The following TENM2 variants were observed in gnomAD, a reference collection of about 807,000 sequenced individuals.
TENM2 encodes the protein teneurin-2.
A neutral mutation model predicts 245.2 loss-of-function variants in TENM2; 52 were observed. The observed-to-expected ratio is 0.21, with a 90% CI of 0.17 to 0.27. The LOEUF (loss-of-function observed/expected upper bound fraction) is 0.27. Among genes scored for constraint, TENM2 ranks in the 10% least tolerant of loss-of-function variants. The probability of loss-of-function intolerance (pLI) is 1.00; values close to 1 mark genes in which losing one functional copy is unlikely to be tolerated. For missense variants in TENM2, 3,046 were observed against 3,666.8 expected (o/e 0.83, Z 4.37); for synonymous variants, 1,363 against 1,438.9 (o/e 0.95, Z 1.19).
chr5:168,260,279 A>G lies in TENM2; in HGVS notation c.7433-4A>G, dbSNP rs774948397. On this transcript the variant is annotated splice_region_variant and splice_polypyrimidine_tract_variant and intron_variant, in intron 27 of 28. Coordinates refer to ENST00000518659, the Ensembl canonical transcript of TENM2. ...GAAACCTTTATTTTTGTTTTCCACC[A>G]TAGATGTGAAAAGCTGGCTTGTGAT... The G allele has an allele frequency of 6.2e-7, 1 of 1,613,906 alleles. No individual in the cohort carries two copies. The highest frequency in any genetic ancestry group is 8.5e-7 in the Non-Finnish European group (1 of 1,179,820).
At chr5:167,740,771 A>G (rs80227964) in intron 2 of TENM2, among the ~76,000 whole-genome samples, 3,621 of 152,252 alleles carry the variant, frequency 0.024, 145 homozygotes, top group African/African-American at 0.083. Flanking sequence ...GATGATCAGG[A>G]CAATCCTTCC....
intron 2 of TENM2, among the ~76,000 whole-genome samples, chr5:167,598,739 AGTTT>A (rs1371587631): frequency 1.3e-5 from 2 of 151,522 alleles, no homozygotes; most frequent in African/African-American, 4.9e-5. Flanking sequence ...TGATGATCAG[AGTTT>A]GTTTTTGTTT....
the TENM2 span, among the ~76,000 whole-genome samples, chr5:167,144,179 G>A: frequency 6.6e-6 from 1 of 152,064 alleles, no homozygotes; most frequent in Non-Finnish European, 1.5e-5. Flanking sequence ...TTGTTAAATG[G>A]CAAAGAGTAC....
chr5:167,163,180 G>A, the TENM2 span, among the ~76,000 whole-genome samples: 3 of 152,174 alleles, frequency 2.0e-5, no homozygotes, highest in African/African-American at 4.8e-5. Context: ...ATAACCCGCT[G>A]CAGCCTCAAA....
the TENM2 span, among the ~76,000 whole-genome samples, chr5:167,095,395 G>T: frequency 1.3e-5 from 2 of 152,134 alleles, no homozygotes; most frequent in Non-Finnish European, 2.9e-5. Context: ...TAAAGAAGGG[G>T]GATTGGGCTG....
At chr5:167,152,966 A>C in the TENM2 span, among the ~76,000 whole-genome samples, 5 of 152,186 alleles carry the variant, frequency 3.3e-5, no homozygotes, top group Non-Finnish European at 7.3e-5. Context: ...TGTGTATTCA[A>C]ATAAGTCCTG....
intron 2 of TENM2, among the ~76,000 whole-genome samples, chr5:167,829,124 C>A (rs1188203615): frequency 6.6e-6 from 1 of 152,112 alleles, no homozygotes. Flanking sequence ...TGGGGGTGTT[C>A]AAGGTGAAAA....
intron 27 of TENM2, among the ~76,000 whole-genome samples, chr5:168,258,777 G>A (rs934481088): frequency 1.3e-5 from 2 of 152,182 alleles, no homozygotes; most frequent in African/African-American, 4.8e-5. Flanking sequence ...TGATGAAAAT[G>A]TTCTGAAATT....
At chr5:168,205,393 C>A (rs1307800963) in intron 19 of TENM2, among the ~76,000 whole-genome samples, 1 of 151,058 alleles carries the variant, frequency 6.6e-6, no homozygotes, top group African/African-American at 2.4e-5. Flanking sequence ...GAGCCACAGA[C>A]AAAATCATGT....
intron 1 of TENM2, among the ~76,000 whole-genome samples, chr5:167,350,761 T>TATATATATG: frequency 1.4e-5 from 1 of 71,166 alleles, no homozygotes; most frequent in African/African-American, 4.8e-5. Context: ...TATATACATA[T>TATATATATG]GGATATATAT....
chr5:167,089,128 G>C, the TENM2 span, among the ~76,000 whole-genome samples: 2 of 152,204 alleles, frequency 1.3e-5, no homozygotes, highest in East Asian at 1.9e-4. Flanking sequence ...AGCATTTGGA[G>C]CTAAGAATAT....
intron 1 of TENM2, among the ~76,000 whole-genome samples, chr5:167,365,322 A>G (rs1481300373): frequency 6.6e-6 from 1 of 151,954 alleles, no homozygotes; most frequent in Non-Finnish European, 1.5e-5. Context: ...TACTTAAGAA[A>G]TAAAGAAAAT....
At chr5:168,110,541 G>A (rs565435231) in intron 9 of TENM2, among the ~76,000 whole-genome samples, 2 of 152,256 alleles carry the variant, frequency 1.3e-5, no homozygotes, top group South Asian at 2.1e-4. Flanking sequence ...ACTCCCGTAA[G>A]CCTACACCAT....
At chr5:167,431,962 T>C (rs201346516) in intron 2 of TENM2, among the ~76,000 whole-genome samples, 49,609 of 124,060 alleles carry the variant, frequency 0.4, 10,257 homozygotes, top group Admixed American at 0.48. Flanking sequence ...TATATATATG[T>C]ATATATATAT....
intron 2 of TENM2, among the ~76,000 whole-genome samples, chr5:167,734,226 G>A (rs1214870444): frequency 6.6e-6 from 1 of 152,076 alleles, no homozygotes; most frequent in Non-Finnish European, 1.5e-5. Context: ...TCTGATCATA[G>A]TTTTTAGTAT....
At chr5:167,440,289 A>C (rs2127458577) in intron 2 of TENM2, among the ~76,000 whole-genome samples, 1 of 152,328 alleles carries the variant, frequency 6.6e-6, no homozygotes, top group Middle Eastern at 3.4e-3. Flanking sequence ...TCCTGAGATA[A>C]AAGCTTCAAT....
At chr5:167,515,158 A>G (rs1424287148) in intron 2 of TENM2, among the ~76,000 whole-genome samples, 1 of 152,190 alleles carries the variant, frequency 6.6e-6, no homozygotes, top group African/African-American at 2.4e-5. Context: ...TTCCTTTTTA[A>G]TCTGATAGAT....
intron 5 of TENM2, among the ~76,000 whole-genome samples, chr5:168,015,911 A>T (rs1785612457): frequency 6.6e-6 from 1 of 152,342 alleles, no homozygotes; most frequent in African/African-American, 2.4e-5. Flanking sequence ...CCCATTTGGC[A>T]GATGGGAAAA....
intron 2 of TENM2, among the ~76,000 whole-genome samples, chr5:167,389,560 A>G (rs1327541834): frequency 6.6e-6 from 1 of 152,136 alleles, no homozygotes; most frequent in African/African-American, 2.4e-5. Context: ...ATTTCCTTTC[A>G]TTGTACATTT....
Sources: allele counts gnomAD v4.1 joint callset (sites outside exome capture counted in the v4.1 genomes callset), GRCh38; gene constraint gnomAD v4.1.1; transcripts MANE v1.5; gene names NCBI Gene and HGNC (gene_info 2026-07-23, HGNC 2026-07-21).